FSTL5: variants seen among roughly 807,000 people sequenced by gnomAD.
FSTL5 encodes follistatin-related protein 5.
Under a neutral mutation model 89.1 loss-of-function variants are expected in FSTL5, and 62 were observed. The observed-to-expected ratio is 0.70, with a 90% CI of 0.57 to 0.86. FSTL5 has a LOEUF of 0.86. FSTL5 is among the 40% of genes least tolerant of loss of function. The pLI, the probability that FSTL5 is intolerant of heterozygous loss-of-function variation, is 0.00. For synonymous variants in FSTL5, 383 were observed against 346.2 expected (o/e 1.11, Z -1.18); for missense variants, 1,057 against 1,001.6 (o/e 1.06, Z -0.75).
chr4:161,992,880 A>ATGTGTG (rs1369369553), intron 3 of FSTL5, among the ~76,000 whole-genome samples: 3 of 12,898 alleles, frequency 2.3e-4, no homozygotes, highest in African/African-American at 6.2e-4. Flanking sequence ...ATATATATAT[A>ATGTGTG]TATATATATA....
At chr4:161,731,393 C>T (rs1369557399) in intron 6 of FSTL5, among the ~76,000 whole-genome samples, 8 of 152,090 alleles carry the variant, frequency 5.3e-5, no homozygotes, top group East Asian at 1.9e-4. Context: ...GTGATTGGAC[C>T]GTAGGGGCAG....
intron 2 of FSTL5, among the ~76,000 whole-genome samples, chr4:162,090,558 T>C (rs771239002): frequency 3.9e-5 from 6 of 152,052 alleles, no homozygotes; most frequent in Non-Finnish European, 1.5e-5. Context: ...CGGTGACTCA[T>C]GCCTGTAATC....
chr4:162,071,510 G>T (rs1232764579), intron 2 of FSTL5, among the ~76,000 whole-genome samples: 2 of 151,652 alleles, frequency 1.3e-5, no homozygotes, highest in African/African-American at 4.8e-5. Flanking sequence ...TGTTATTAGA[G>T]CTAAAGGAAG....
chr4:161,914,140 A>T (rs567369959), intron 4 of FSTL5, among the ~76,000 whole-genome samples: 2 of 152,274 alleles, frequency 1.3e-5, no homozygotes, highest in East Asian at 3.9e-4. Flanking sequence ...ACAAAGTAGA[A>T]GAAAAAATAT....
chr4:161,811,611 A>G (rs1483967420), intron 4 of FSTL5, among the ~76,000 whole-genome samples: 1 of 152,154 alleles, frequency 6.6e-6, no homozygotes, highest in East Asian at 1.9e-4. Context: ...TGAATAGTTT[A>G]CCCAAAAGCC....
intron 6 of FSTL5, among the ~76,000 whole-genome samples, chr4:161,689,857 C>T (rs370933683): frequency 2.6e-5 from 4 of 152,076 alleles, no homozygotes; most frequent in African/African-American, 4.8e-5. Context: ...ATGTCACTAT[C>T]GATTTACCTA....
intron 3 of FSTL5, among the ~76,000 whole-genome samples, chr4:162,029,140 C>T (rs1401144913): frequency 7.8e-6 from 1 of 128,638 alleles, no homozygotes; most frequent in Non-Finnish European, 1.6e-5. Context: ...TGTATATGTA[C>T]ATGAGGGAGA....
intron 15 of FSTL5, among the ~76,000 whole-genome samples, chr4:161,396,857 G>A (rs1421191454): frequency 6.6e-6 from 1 of 152,036 alleles, no homozygotes; most frequent in Non-Finnish European, 1.5e-5. Context: ...GAAAATTAAA[G>A]TGTGGAATAG....
At chr4:161,737,000 A>G (rs995707506) in intron 6 of FSTL5, among the ~76,000 whole-genome samples, 1 of 152,116 alleles carries the variant, frequency 6.6e-6, no homozygotes, top group Non-Finnish European at 1.5e-5. Flanking sequence ...TTGAGTGAGG[A>G]TTAACAAAAT....
chr4:162,056,871 T>C (rs1409050657), intron 2 of FSTL5, among the ~76,000 whole-genome samples: 1 of 152,168 alleles, frequency 6.6e-6, no homozygotes, highest in African/African-American at 2.4e-5. Context: ...TTATAGTAAA[T>C]GGAAGGAAAA....
intron 6 of FSTL5, among the ~76,000 whole-genome samples, chr4:161,718,474 C>G (rs1302575360): frequency 4.0e-5 from 6 of 151,616 alleles, no homozygotes; most frequent in Admixed American, 1.3e-4. Context: ...TGTCACCCAG[C>G]CTGGAGTGCA....
At chr4:161,395,349 G>A (rs1225406847) in intron 15 of FSTL5, among the ~76,000 whole-genome samples, 2 of 151,810 alleles carry the variant, frequency 1.3e-5, no homozygotes, top group African/African-American at 4.8e-5. Context: ...ACAAAAACAA[G>A]AGAGAGAATT....
chr4:161,752,226 CAGATAGATAGATAGATAGATAGAT>C (rs74281503), intron 6 of FSTL5, among the ~76,000 whole-genome samples: 3 of 138,982 alleles, frequency 2.2e-5, no homozygotes, highest in Non-Finnish European at 4.6e-5. Flanking sequence ...GATAGATGGA[CAGATAGATAGATAGATAGATAGAT>C]AGATAGATAG....
intron 15 of FSTL5, among the ~76,000 whole-genome samples, chr4:161,428,042 C>G (rs1732223438): frequency 6.6e-6 from 1 of 152,188 alleles, no homozygotes; most frequent in East Asian, 1.9e-4. Flanking sequence ...GCAGCAGCCA[C>G]ATGGCACAGA....
chr4:162,087,504 G>A (rs12641127), intron 2 of FSTL5, among the ~76,000 whole-genome samples: 8,392 of 152,004 alleles, frequency 0.055, 405 homozygotes, highest in East Asian at 0.24. Flanking sequence ...TGTATTTAAC[G>A]GAAAAAGAAA....
chr4:161,792,895 C>T (rs1729522989), intron 4 of FSTL5, among the ~76,000 whole-genome samples: 1 of 152,218 alleles, frequency 6.6e-6, no homozygotes. Flanking sequence ...GCTGAAACAT[C>T]CCCTCCCCCA....
chr4:161,385,951 CTT>C lies in FSTL5; in HGVS notation c.2338_2339del (p.Lys780GlufsTer47). On this transcript the variant is annotated frameshift_variant, in exon 16 of 16. Transcript: ENST00000306100. LOFTEE classifies it high-confidence loss of function. ...ELSSGKVKMI[K>X]SLKEPLKAEE... is the part of the protein sequence containing the mutation. ...CTGCCTTGAGTGGTTCCTTGAGACT[CTT>C]TATCATCTTGACCTTCCCAGAAGAG... 1 of 1,613,930 alleles carries C rather than the reference CTT, an allele frequency of 6.2e-7. No homozygotes were observed. The highest frequency in any genetic ancestry group is 8.5e-7 in the Non-Finnish European group (1 of 1,179,944).
chr4:162,056,738 T>C (rs1738558117), intron 2 of FSTL5, among the ~76,000 whole-genome samples: 1 of 152,152 alleles, frequency 6.6e-6, no homozygotes, highest in Admixed American at 6.5e-5. Flanking sequence ...AGTGCTCAAG[T>C]AAGGAATATA....
At chr4:161,897,982 C>G (rs1227468966) in intron 4 of FSTL5, among the ~76,000 whole-genome samples, 1 of 151,478 alleles carries the variant, frequency 6.6e-6, no homozygotes, top group African/African-American at 2.4e-5. Flanking sequence ...CAGTCTATAG[C>G]CTTTTCACAA....
Sources: gnomAD v4.1 joint callset for allele counts (sites outside exome capture counted in the v4.1 genomes callset) on GRCh38, gnomAD v4.1.1 for gene constraint, MANE v1.5 for transcripts, NCBI Gene and HGNC (gene_info 2026-07-23, HGNC 2026-07-21) for gene names.